Variants in GPR158 observed in about 807,000 individuals in gnomAD.
GPR158 encodes G protein-coupled receptor 158, also known as metabotropic glycine receptor.
GPR158 carries 30 observed loss-of-function variants against 78.2 expected under a neutral mutation model. The ratio of observed to expected loss-of-function variants is 0.38; its 90% confidence interval spans 0.29 to 0.52. GPR158 has a LOEUF of 0.52. GPR158 is among the 20% of genes least tolerant of loss of function. The pLI is 0.83. For missense variants in GPR158, 1,463 were observed against 1,523.5 expected (o/e 0.96, Z 0.66); for synonymous variants, 581 against 591.1 (o/e 0.98, Z 0.25).
At chr10:25,297,266 A>G (rs1012472288) in intron 2 of GPR158, among the ~76,000 whole-genome samples, 3 of 152,166 alleles carry the variant, frequency 2.0e-5, no homozygotes, top group Non-Finnish European at 2.9e-5. Flanking sequence ...CAGTGTCTTG[A>G]TTTGTAAAGT....
chr10:25,472,816 C>T (rs568751390), intron 5 of GPR158, among the ~76,000 whole-genome samples: 1 of 152,312 alleles, frequency 6.6e-6, no homozygotes, highest in African/African-American at 2.4e-5. Context: ...TATCCTGAGA[C>T]TTTGCTGAAG....
chr10:25,248,132 T>C (rs1853727455), intron 2 of GPR158, among the ~76,000 whole-genome samples: 1 of 152,224 alleles, frequency 6.6e-6, no homozygotes, highest in East Asian at 1.9e-4. Context: ...AAGTGTCTGT[T>C]CATATCCTTC....
intron 1 of GPR158, among the ~76,000 whole-genome samples, chr10:25,201,379 C>A (rs916853012): frequency 6.6e-6 from 1 of 152,120 alleles, no homozygotes; most frequent in Admixed American, 6.6e-5. Flanking sequence ...AGTTGTTTCT[C>A]AGTTCTAGGA....
intron 3 of GPR158, among the ~76,000 whole-genome samples, chr10:25,411,664 G>T (rs189741789): frequency 6.6e-6 from 1 of 151,952 alleles, no homozygotes; most frequent in African/African-American, 2.4e-5. Context: ...GGCCAGGTGC[G>T]GTGGCTCACA....
At chr10:25,570,670 T>G (rs1000626109) in intron 6 of GPR158, among the ~76,000 whole-genome samples, 5 of 152,170 alleles carry the variant, frequency 3.3e-5, no homozygotes, top group African/African-American at 9.7e-5. Flanking sequence ...ATCCCAGCAC[T>G]TTGGGAGGCC....
intron 1 of GPR158, among the ~76,000 whole-genome samples, chr10:25,208,830 T>C (rs1173927913): frequency 6.6e-6 from 1 of 151,202 alleles, no homozygotes; most frequent in Non-Finnish European, 1.5e-5. Context: ...CTTCCTGTTT[T>C]TTTCTTTCTT....
At position 25,221,119 on chromosome 10, in the gene GPR158, T is replaced by A; in HGVS notation, c.970T>A (p.Phe324Ile). 1 of 1,602,912 alleles carries A rather than the reference T, an allele frequency of 6.2e-7. No individual in the cohort carries two copies. Among genetic ancestry groups the A allele is most frequent in the Non-Finnish European group, 8.5e-7 (1 of 1,170,716 alleles). The change falls in exon 2 of 11, where the codon TTT (phenylalanine) becomes ATT (isoleucine). Residue 324 changes from phenylalanine to isoleucine, a missense_variant. Physicochemically the swap from Phe to Ile is conservative, Grantham distance 21. Transcript: ENST00000376351. ...TGACCAATGCTCAAGTGATGGCTGG[T>A]TTTCAGGAACTCATAAATGCCACCT... ...DIDQCSSDGW[F>I]SGTHKCHLNN... is the part of the protein sequence containing the mutation.
intron 6 of GPR158, among the ~76,000 whole-genome samples, chr10:25,561,271 AT>A (rs980312692): frequency 9.2e-5 from 14 of 152,340 alleles, no homozygotes; most frequent in African/African-American, 2.4e-4. Flanking sequence ...ATTTAAAAAA[AT>A]AATCCTGGAA....
intron 7 of GPR158, among the ~76,000 whole-genome samples, chr10:25,578,564 C>T (rs1837138105): frequency 6.6e-6 from 1 of 152,136 alleles, no homozygotes; most frequent in South Asian, 2.1e-4. Context: ...ACTTCTCCAA[C>T]AGTCATAATA....
intron 2 of GPR158, among the ~76,000 whole-genome samples, chr10:25,282,860 T>G (rs983061850): frequency 3.9e-5 from 6 of 152,148 alleles, no homozygotes; most frequent in Non-Finnish European, 7.4e-5. Context: ...TCTTTGTATA[T>G]GCTAAATATT....
chr10:25,568,210 G>C (rs1239682739), intron 6 of GPR158, among the ~76,000 whole-genome samples: 1 of 152,150 alleles, frequency 6.6e-6, no homozygotes, highest in East Asian at 1.9e-4. Context: ...ACTCAGGAGA[G>C]TGATCTGAAC....
At chr10:25,502,484 A>G (rs1168971174) in intron 5 of GPR158, among the ~76,000 whole-genome samples, 1 of 152,220 alleles carries the variant, frequency 6.6e-6, no homozygotes, top group Non-Finnish European at 1.5e-5. Flanking sequence ...GTAAGGGGCA[A>G]GGTGGGACCA....
intron 1 of GPR158, among the ~76,000 whole-genome samples, chr10:25,216,798 A>G (rs573830384): frequency 6.6e-6 from 1 of 152,146 alleles, no homozygotes; most frequent in Non-Finnish European, 1.5e-5. Context: ...AAGGGATTTC[A>G]GGTATAAAGA....
chr10:25,224,743 T>C (rs1480579129), intron 2 of GPR158, among the ~76,000 whole-genome samples: 1 of 152,024 alleles, frequency 6.6e-6, no homozygotes, highest in African/African-American at 2.4e-5. Context: ...TTGTCAACTA[T>C]GTTTGCTACC....
chr10:25,245,145 G>T (rs561037831), intron 2 of GPR158, among the ~76,000 whole-genome samples: 1 of 152,174 alleles, frequency 6.6e-6, no homozygotes, highest in Non-Finnish European at 1.5e-5. Context: ...GTCTTTGAAA[G>T]CATCTTTATC....
chr10:25,371,012 A>G (rs1283967013), intron 2 of GPR158, among the ~76,000 whole-genome samples: 3 of 142,748 alleles, frequency 2.1e-5, no homozygotes, highest in Middle Eastern at 3.6e-3. Context: ...TTTGTTTTCC[A>G]TTGGCTTGGT....
At chr10:25,453,336 A>G (rs942581606) in intron 4 of GPR158, among the ~76,000 whole-genome samples, 16 of 152,192 alleles carry the variant, frequency 1.1e-4, no homozygotes, top group Admixed American at 9.2e-4. Flanking sequence ...ATTTACATTC[A>G]TCCCACCAGT....
chr10:25,249,100 G>A lies in GPR158; in HGVS notation c.1008+27943G>A, dbSNP rs541282311. Among the ~76,000 whole-genome samples, 15 of 152,168 alleles carry A rather than the reference G, an allele frequency of 9.9e-5. No individual in the cohort carries two copies. The South Asian group carries it at 3.1e-3, about 32-fold the overall frequency. On this transcript the variant is annotated intron_variant, in intron 2 of 10. Transcript: ENST00000376351. ...CAATTGTGAATGGGAGTTCACTCAT[G>A]ATTTGGCTCTCTGTCTGTTGTTGGT...
chr10:25,216,705 C>A (rs144797929), intron 1 of GPR158, among the ~76,000 whole-genome samples: 1 of 152,164 alleles, frequency 6.6e-6, no homozygotes, highest in Non-Finnish European at 1.5e-5. Context: ...ATAAGGGACT[C>A]TCTTCCATAT....
Sources: gnomAD v4.1 joint callset for allele counts (sites outside exome capture counted in the v4.1 genomes callset) on GRCh38, gnomAD v4.1.1 for gene constraint, MANE v1.5 for transcripts, NCBI Gene and HGNC (gene_info 2026-07-23, HGNC 2026-07-21) for gene names.